Variants in MPLKIP observed in about 807,000 individuals in gnomAD.
MPLKIP encodes M-phase specific PLK1 interacting protein.
MPLKIP carries 16 observed loss-of-function variants against 16.9 expected under a neutral mutation model. That is an observed-to-expected ratio of 0.94 (90% CI 0.64 to 1.43). The LOEUF (loss-of-function observed/expected upper bound fraction) is 1.43, where lower values mean the gene tolerates loss of function less well. Ranked by LOEUF, MPLKIP falls within the 40% of genes most tolerant of loss-of-function variation. The pLI, the probability that MPLKIP is intolerant of heterozygous loss-of-function variation, is 0.00. For synonymous variants in MPLKIP, 126 were observed against 98.4 expected, an observed-to-expected ratio of 1.28 and a Z score of -1.66; for missense variants, 282 against 237.6, an observed-to-expected ratio of 1.19 and a Z score of -1.23.
chr7:40,130,081 A>G lies in MPLKIP; in HGVS notation c.*2978T>C, dbSNP rs1313819204. 3 of 152,216 alleles carry G rather than the reference A, an allele frequency of 2.0e-5. No homozygotes were observed. Among genetic ancestry groups the G allele is most frequent in the African/African-American group, 7.2e-5 (3 of 41,452 alleles). 9.4% of individuals were successfully genotyped at this position (152,216 alleles called of 1,614,324 possible). On this transcript the variant is annotated 3_prime_UTR_variant, in exon 2 of 2. Coordinates refer to ENST00000306984, the MANE Select transcript of MPLKIP (RefSeq NM_138701.4). ...TCTGAATTTGCATTCCCTTAAAGCT[A>G]TTTATGCCTGCATATCCCTTAGAAA... is the stretch of plus-strand genomic sequence containing the variant.
At position 40,132,776 on chromosome 7, in the gene MPLKIP, A is replaced by G; in HGVS notation, c.*283T>C. The G allele has an allele frequency of 2.3e-6, 1 of 425,658 alleles. No individual in the cohort carries two copies. Among genetic ancestry groups the G allele is most frequent in the Non-Finnish European group, 4.3e-6 (1 of 232,054 alleles). 26.4% of individuals were successfully genotyped at this position (425,658 alleles called of 1,614,324 possible). ...AAAATGTTTTATTTTAAAACATTGA[A>G]AAAACATTAAAAGACAAATGTCCAT... On this transcript the variant is annotated 3_prime_UTR_variant, in exon 2 of 2. Transcript: ENST00000306984.
At position 40,134,503 on chromosome 7, in the gene MPLKIP, C is replaced by T; in HGVS notation, c.65G>A (p.Gly22Asp). 6.3e-7 allele frequency: 1 copy of T among 1,586,834 alleles called. No individual in the cohort carries two copies. Among genetic ancestry groups the T allele is most frequent in the Non-Finnish European group, 8.6e-7 (1 of 1,168,226 alleles). ...GGTTCCCCGGAAGCTGCTTCCGCTA[C>T]CCCAACCTCCTCCACCCGGACCAGG... The part of the protein sequence containing the change: ...PYPGPGGGGW[G>D]SGSSFRGTPG... The change falls in exon 1 of 2, where the codon GGT becomes GAT. Residue 22 changes from glycine to aspartate, a missense_variant. Physicochemically the swap from Gly to Asp is moderately conservative, Grantham distance 94. Coordinates refer to ENST00000306984, the MANE Select transcript of MPLKIP (RefSeq NM_138701.4).
chr7:40,134,606 C>T lies in MPLKIP; in HGVS notation c.-39G>A, dbSNP rs752361823. 3 of 1,543,668 alleles carry T rather than the reference C, an allele frequency of 1.9e-6. No individual in the cohort carries two copies. Among genetic ancestry groups the T allele is most frequent in the East Asian group, 2.4e-5 (1 of 41,848 alleles). ...GCCGAAAACCTCGCAGCCGCGTTCT[C>T]CCACCGGAACTGTATCAACCGGCCC... On this transcript the variant is annotated 5_prime_UTR_variant, in exon 1 of 2. Transcript: ENST00000306984.
chr7:40,134,320 G>C lies in MPLKIP; in HGVS notation c.248C>G (p.Pro83Arg), dbSNP rs1190620051. ...FPGGRFGSPS[P>R]GGYPGSYSRS... is the part of the protein sequence containing the mutation. ...GGAGTAGGAGCCAGGGTAGCCGCCAGGGGACGGAGACCCGAACCGGCCCCC... is the reference window on the plus strand; with the variant it reads ...GGAGTAGGAGCCAGGGTAGCCGCCACGGGACGGAGACCCGAACCGGCCCCC... Residue 83 changes from proline to arginine, a missense_variant, in exon 1 of 2, where the codon CCT becomes CGT. Coordinates refer to ENST00000306984, the MANE Select transcript of MPLKIP (RefSeq NM_138701.4). 11 of 1,554,986 alleles carry C rather than the reference G, an allele frequency of 7.1e-6. No individual in the cohort carries two copies. Among genetic ancestry groups the C allele is most frequent in the South Asian group, 2.4e-5 (2 of 84,448 alleles).
At position 40,134,290 on chromosome 7, in the gene MPLKIP, G is replaced by A. The variant is rs776528940; in HGVS notation, c.278C>T (p.Ser93Phe). Residue 93 changes from serine (S) to phenylalanine (F), a missense_variant, in exon 1 of 2, where the codon TCC becomes TTC. By Grantham distance (155) the Ser-to-Phe change is radical. Coordinates refer to ENST00000306984, the MANE Select transcript of MPLKIP (RefSeq NM_138701.4). The part of the protein sequence containing the change: ...PGGYPGSYSR[S>F]PAGSQQQFGY... ...GAATTGCTGCTGGGACCCCGCGGGG[G>A]ACCTGGAGTAGGAGCCAGGGTAGCC... is the stretch of plus-strand genomic sequence containing the variant. The A allele has an allele frequency of 5.1e-6, 8 of 1,559,758 alleles. No homozygotes were observed. Among genetic ancestry groups the A allele is most frequent in the Non-Finnish European group, 6.9e-6 (8 of 1,151,970 alleles).
At position 40,130,471 on chromosome 7, in the gene MPLKIP, G is replaced by A. The variant is rs1787446630; in HGVS notation, c.*2588C>T. The A allele has an allele frequency of 6.6e-6, 1 of 152,120 alleles. No individual in the cohort carries two copies. Among genetic ancestry groups the A allele is most frequent in the South Asian group, 2.1e-4 (1 of 4,822 alleles). 9.4% of individuals were successfully genotyped at this position (152,120 alleles called of 1,614,324 possible). A position where few individuals can be genotyped will look rare whatever the true frequency, so the allele number is the denominator to read the frequency against. The stretch of plus-strand genomic sequence containing the variant: ...GGCCAGGTCTCTAGAAGTAGATGTT[G>A]GTAAGCGTTAGCAAGAAATTTTACC... On this transcript the variant is annotated 3_prime_UTR_variant, in exon 2 of 2. Coordinates refer to ENST00000306984, the MANE Select transcript of MPLKIP (RefSeq NM_138701.4).
rs1787466208 is a variant in MPLKIP, at chr7:40,131,791, T to C, written c.*1268A>G. 2 of 152,326 alleles carry C rather than the reference T, an allele frequency of 1.3e-5. No individual in the cohort carries two copies. Among genetic ancestry groups the C allele is most frequent in the African/African-American group, 4.8e-5 (2 of 41,560 alleles). 9.4% of individuals were successfully genotyped at this position (152,326 alleles called of 1,614,324 possible). A position where few individuals can be genotyped will look rare whatever the true frequency, so the allele number is the denominator to read the frequency against. On this transcript the variant is annotated 3_prime_UTR_variant, in exon 2 of 2. Transcript: ENST00000306984. ...AGGCGGACGTTGCAGTGAGCCAAGA[T>C]TGCGCCACTGCACTCCAGCGTGGGC...
In MPLKIP at chr7:40,131,251, T is replaced by G. The variant is rs966770779; in HGVS notation, c.*1808A>C. ...TATTTTCTAGTCTCTGTGAAATACC[T>G]AATGAACAAATTTCTGTGGGTATGG... On this transcript the variant is annotated 3_prime_UTR_variant, in exon 2 of 2. Transcript: ENST00000306984. The G allele has an allele frequency of 6.6e-6, 1 of 152,176 alleles. No homozygotes were observed. Among genetic ancestry groups the G allele is most frequent in the Non-Finnish European group, 1.5e-5 (1 of 68,042 alleles). 9.4% of individuals were successfully genotyped at this position (152,176 alleles called of 1,614,324 possible). A position where few individuals can be genotyped will look rare whatever the true frequency, so the allele number is the denominator to read the frequency against.
rs1289260584 is a variant in MPLKIP at position 40,132,248 on chromosome 7, C to T, written c.*811G>A. ...TGGCCTTGGCCACAGTTAATTGGTT[C>T]AATAATACAGAAACATGATCTAAGT... On this transcript the variant is annotated 3_prime_UTR_variant, in exon 2 of 2. Transcript: ENST00000306984. The T allele has an allele frequency of 6.6e-6, 1 of 152,124 alleles. No individual in the cohort carries two copies. Among genetic ancestry groups the T allele is most frequent in the East Asian group, 1.9e-4 (1 of 5,196 alleles). 9.4% of individuals were successfully genotyped at this position (152,124 alleles called of 1,614,324 possible).
intron 1 of MPLKIP, among the ~76,000 whole-genome samples, chr7:40,133,730 A>C (rs1325643174): frequency 1.3e-5 from 2 of 152,106 alleles, no homozygotes; most frequent in African/African-American, 4.8e-5. Context: ...AAAACCACGT[A>C]GTTGCAAGTT....
rs1195876912 is a variant in MPLKIP, at chr7:40,128,183, G to GT, written c.*4875dup. ...AAGACGAGAACAAAGAGTTCGATCT[G>GT]TAACTGACTGAACAATCAATTAAGA... is the stretch of plus-strand genomic sequence containing the variant. On this transcript the variant is annotated 3_prime_UTR_variant, in exon 2 of 2. Transcript: ENST00000306984. 6.6e-6 allele frequency: 1 copy of GT among 152,136 alleles called. No homozygotes were observed. Among genetic ancestry groups the GT allele is most frequent in the Non-Finnish European group, 1.5e-5 (1 of 68,024 alleles). 9.4% of individuals were successfully genotyped at this position (152,136 alleles called of 1,614,324 possible).
rs1310686191 is a variant in MPLKIP, at chr7:40,130,030, A to C, written c.*3029T>G. On this transcript the variant is annotated 3_prime_UTR_variant, in exon 2 of 2. Transcript: ENST00000306984. ...TATGTTTTTATGTAGGTCAATTTTA[A>C]TAAAGGATTTACATGGGCACTGCGA... 2.6e-5 allele frequency: 4 copies of C among 152,204 alleles called. No homozygotes were observed. The highest frequency in any genetic ancestry group is 5.9e-5 in the Non-Finnish European group (4 of 68,034). The allele number at this position is 152,204 out of a possible 1,614,324, so 9.4% of individuals were successfully genotyped here.
Position 40,128,146 on chromosome 7 carries a change from A to G in MPLKIP, c.*4913T>C, listed in dbSNP as rs1236032058. ...TTCAGACTAGTCAAGTGCAGCAGTG[A>G]GAAGCGGGGGGAAGACGAGAACAAA... On this transcript the variant is annotated 3_prime_UTR_variant, in exon 2 of 2. Coordinates refer to ENST00000306984, the MANE Select transcript of MPLKIP (RefSeq NM_138701.4). 1 of 152,182 alleles carries G rather than the reference A, an allele frequency of 6.6e-6. No homozygotes were observed. Among genetic ancestry groups the G allele is most frequent in the Non-Finnish European group, 1.5e-5 (1 of 68,044 alleles). The allele number at this position is 152,182 out of a possible 1,614,324, so 9.4% of individuals were successfully genotyped here.
chr7:40,134,190 T>C, intron 1 of MPLKIP, 39 bp downstream of exon 1: 1 of 1,542,720 alleles, frequency 6.5e-7, no homozygotes, highest in Non-Finnish European at 8.8e-7. Flanking sequence ...GTGCCTGCCA[T>C]AAAGTAAGAG....
rs971245043 is a variant in MPLKIP at position 40,129,836 on chromosome 7, C to T, written c.*3223G>A. 1.2e-4 allele frequency: 18 copies of T among 151,718 alleles called. No individual in the cohort carries two copies. Among genetic ancestry groups the T allele is most frequent in the Non-Finnish European group, 1.9e-4 (13 of 67,992 alleles). The allele number at this position is 151,718 out of a possible 1,614,324, so 9.4% of individuals were successfully genotyped here. On this transcript the variant is annotated 3_prime_UTR_variant, in exon 2 of 2. Coordinates refer to ENST00000306984, the MANE Select transcript of MPLKIP (RefSeq NM_138701.4). Reference sequence around the variant, plus strand: ...TTCAAAGGGAAGGGACGTAACTCCACATCTTGATAAGGGTAGTGGCAAGGT... The same window carrying T: ...TTCAAAGGGAAGGGACGTAACTCCATATCTTGATAAGGGTAGTGGCAAGGT...
Position 40,132,629 on chromosome 7 carries a change from A to C in MPLKIP, c.*430T>G. The C allele has an allele frequency of 4.0e-6, 1 of 249,992 alleles. No individual in the cohort carries two copies. The highest frequency in any genetic ancestry group is 7.9e-6 in the Non-Finnish European group (1 of 126,526). The allele number at this position is 249,992 out of a possible 1,614,324, so 15.5% of individuals were successfully genotyped here. A position where few individuals can be genotyped will look rare whatever the true frequency, so the allele number is the denominator to read the frequency against. ...CTGTCTACAGCTCAAAGGATGGTTT[A>C]CCTATTTCATTTTCAAAAATAATTT... On this transcript the variant is annotated 3_prime_UTR_variant, in exon 2 of 2. Coordinates refer to ENST00000306984, the MANE Select transcript of MPLKIP (RefSeq NM_138701.4).
rs1260431046 is a variant in MPLKIP at position 40,130,865 on chromosome 7, T to G, written c.*2194A>C. 2 of 152,176 alleles carry G rather than the reference T, an allele frequency of 1.3e-5. No homozygotes were observed. Among genetic ancestry groups the G allele is most frequent in the Non-Finnish European group, 2.9e-5 (2 of 68,030 alleles). 9.4% of individuals were successfully genotyped at this position (152,176 alleles called of 1,614,324 possible). A position where few individuals can be genotyped will look rare whatever the true frequency, so the allele number is the denominator to read the frequency against. ...AGTTATCCCTTTTATATACAGGGTG[T>G]AGGTAGAACAATATAGTAGTTACAA... On this transcript the variant is annotated 3_prime_UTR_variant, in exon 2 of 2. Coordinates refer to ENST00000306984, the MANE Select transcript of MPLKIP (RefSeq NM_138701.4).
rs1787433016 is a variant in MPLKIP, at chr7:40,129,429, G to T, written c.*3630C>A. The T allele has an allele frequency of 6.6e-6, 1 of 151,864 alleles. No individual in the cohort carries two copies. The highest frequency in any genetic ancestry group is 2.1e-4 in the South Asian group (1 of 4,806). The allele number at this position is 151,864 out of a possible 1,614,324, so 9.4% of individuals were successfully genotyped here. On this transcript the variant is annotated 3_prime_UTR_variant, in exon 2 of 2. Transcript: ENST00000306984. ...GCGCCACCATGCCCAGCTTATTTTT[G>T]TGTTTTTAGTGGAGACGAGGCTTTA...
Position 40,130,416 on chromosome 7 carries a change from T to C in MPLKIP, c.*2643A>G, listed in dbSNP as rs1173663884. 1.3e-5 allele frequency: 2 copies of C among 152,230 alleles called. No individual in the cohort carries two copies. The highest frequency in any genetic ancestry group is 2.9e-5 in the Non-Finnish European group (2 of 68,030). The allele number at this position is 152,230 out of a possible 1,614,324, so 9.4% of individuals were successfully genotyped here. A position where few individuals can be genotyped will look rare whatever the true frequency, so the allele number is the denominator to read the frequency against. The stretch of plus-strand genomic sequence containing the variant: ...CTACTTACAGTGTATGCATCTTTCC[T>C]GAGGACAAAAATTTTTCTTAAAAAA... On this transcript the variant is annotated 3_prime_UTR_variant, in exon 2 of 2. Transcript: ENST00000306984.
Sources: allele counts gnomAD v4.1 joint callset (sites outside exome capture counted in the v4.1 genomes callset), GRCh38; gene constraint gnomAD v4.1.1; transcripts MANE v1.5; gene names NCBI Gene and HGNC (gene_info 2026-07-23, HGNC 2026-07-21).